Variants in DPH6 observed in about 807,000 individuals in gnomAD.
DPH6 encodes the protein diphthamine biosynthesis 6.
In DPH6, 33 loss-of-function variants were observed where a neutral mutation model predicts 38.2. That is an observed-to-expected ratio of 0.86 (90% CI 0.65 to 1.15). DPH6 has a LOEUF of 1.15. Ranked by LOEUF, DPH6 falls within the 50% of genes most tolerant of loss-of-function variation. DPH6 has a pLI of 0.00. For synonymous variants in DPH6, 108 were observed against 103.0 expected (o/e 1.05, Z -0.30); for missense variants, 325 against 320.0 (o/e 1.02, Z -0.12).
At chr15:35,315,597 A>T (rs2052182099) in intron 3 of DPH6, among the ~76,000 whole-genome samples, 1 of 152,226 alleles carries the variant, frequency 6.6e-6, no homozygotes, top group Non-Finnish European at 1.5e-5. Context: ...GTGGGAATGT[A>T]AATTAGCAGA....
chr15:35,312,371 A>G (rs1331976512), intron 3 of DPH6, among the ~76,000 whole-genome samples: 1 of 152,204 alleles, frequency 6.6e-6, no homozygotes, highest in East Asian at 1.9e-4. Flanking sequence ...GCTAGATTTT[A>G]GAAACCTCCA....
At chr15:35,215,655 A>G (rs1343517594), downstream of DPH6, among the ~76,000 whole-genome samples, 1 of 152,194 alleles carries the variant, frequency 6.6e-6, no homozygotes, top group African/African-American at 2.4e-5. Flanking sequence ...TACAGGTGCT[A>G]GCCACTACAC....
intron 3 of DPH6, among the ~76,000 whole-genome samples, chr15:35,349,157 C>A (rs2140888519): frequency 6.6e-6 from 1 of 151,924 alleles, no homozygotes; most frequent in African/African-American, 2.4e-5. Flanking sequence ...ATTTCTTTTT[C>A]TTGCCTAATT....
the DPH6 span, among the ~76,000 whole-genome samples, chr15:35,190,865 A>G: frequency 6.6e-6 from 1 of 152,190 alleles, no homozygotes; most frequent in African/African-American, 2.4e-5. Flanking sequence ...GATCTCTTTC[A>G]CTGTAATTAT....
intron 3 of DPH6, among the ~76,000 whole-genome samples, chr15:35,245,232 C>CTTTTTTTTTTTTTTTTTTTTTTTT (rs71123123): frequency 1.2e-5 from 1 of 81,384 alleles, no homozygotes; most frequent in African/African-American, 4.5e-5. Flanking sequence ...ATTGTTCTTG[C>CTTTTTTTTTTTTTTTTTTTTTTTT]TTTTTTTTTT....
At chr15:35,498,739 A>C (rs903190479) in intron 3 of DPH6, among the ~76,000 whole-genome samples, 2 of 152,102 alleles carry the variant, frequency 1.3e-5, no homozygotes, top group Non-Finnish European at 2.9e-5. Context: ...AATGCAGCCC[A>C]AGTTATAAGT....
intron 3 of DPH6, among the ~76,000 whole-genome samples, chr15:35,347,449 GCCT>G (rs959615051): frequency 8.7e-5 from 13 of 149,910 alleles, no homozygotes; most frequent in South Asian, 2.1e-4. Context: ...ACCACACCCA[GCCT>G]CCTCCTTTTT....
At chr15:35,145,626 A>C in the DPH6 span, among the ~76,000 whole-genome samples, 1 of 152,208 alleles carries the variant, frequency 6.6e-6, no homozygotes, top group South Asian at 2.1e-4. Flanking sequence ...CAGTTTGTCA[A>C]AATTCTTCTG....
In DPH6 at chr15:35,299,530, G is replaced by T. The variant is rs564946217; in HGVS notation, n.200+73991C>A. The T allele has an allele frequency of 4.8e-4, 290 of 608,970 alleles. 2 individuals carry two copies. Among genetic ancestry groups the T allele is most frequent in the Admixed American group, 2.6e-4 (10 of 38,922 alleles). The allele number at this position is 608,970 out of a possible 1,614,324, so 37.7% of individuals were successfully genotyped here. On this transcript the variant is annotated intron_variant and non_coding_transcript_variant, in intron 3 of 3. Transcript: ENST00000560386. ...CGGAGCCGGGGAGGCAGGAGCCAAC[G>T]GCGGCACCACCCTCCGCTGAGTCCG...
the DPH6 span, among the ~76,000 whole-genome samples, chr15:35,197,716 G>C: frequency 6.6e-6 from 1 of 152,154 alleles, no homozygotes; most frequent in African/African-American, 2.4e-5. Flanking sequence ...CATAAAAGCA[G>C]TTTTCCTGAA....
At chr15:35,449,095 T>C (rs568499501) in intron 5 of DPH6, among the ~76,000 whole-genome samples, 13 of 151,876 alleles carry the variant, frequency 8.6e-5, no homozygotes, top group African/African-American at 2.9e-4. Flanking sequence ...GCAACCTATA[T>C]TGCATCATTT....
At chr15:35,302,300 A>G (rs1250568676) in intron 3 of DPH6, among the ~76,000 whole-genome samples, 1 of 152,180 alleles carries the variant, frequency 6.6e-6, no homozygotes, top group African/African-American at 2.4e-5. Flanking sequence ...TCTCTTTTCT[A>G]CTATCAAAAA....
At chr15:35,327,778 T>A (rs1280323729), downstream of DPH6, among the ~76,000 whole-genome samples, 1 of 152,146 alleles carries the variant, frequency 6.6e-6, no homozygotes, top group Non-Finnish European at 1.5e-5. Flanking sequence ...GACAGTTGGG[T>A]TGATTCAGAG....
At chr15:35,404,342 T>G (rs1050273838) in intron 6 of DPH6, among the ~76,000 whole-genome samples, 1 of 152,140 alleles carries the variant, frequency 6.6e-6, no homozygotes, top group Non-Finnish European at 1.5e-5. Flanking sequence ...TACATTCCCA[T>G]AGACAGCATA....
chr15:35,175,040 C>T, the DPH6 span, among the ~76,000 whole-genome samples: 150,061 of 152,300 alleles, frequency 0.99, 73,978 homozygotes, highest in East Asian at 1. Context: ...GCACTGTTGG[C>T]TGTTTCGTTT....
intron 3 of DPH6, among the ~76,000 whole-genome samples, chr15:35,236,936 C>T (rs2051556564): frequency 6.6e-6 from 1 of 151,994 alleles, no homozygotes; most frequent in African/African-American, 2.4e-5. Context: ...TGTTCCTAGT[C>T]GATAGATATT....
intron 3 of DPH6, among the ~76,000 whole-genome samples, chr15:35,346,041 G>A (rs72703137): frequency 1.3e-5 from 2 of 151,782 alleles, no homozygotes; most frequent in Non-Finnish European, 2.9e-5. Context: ...TAAGTGAAAC[G>A]AAAGTGCATC....
chr15:35,335,852 G>A (rs1015418601), intron 3 of DPH6, among the ~76,000 whole-genome samples: 4 of 152,082 alleles, frequency 2.6e-5, no homozygotes, highest in Non-Finnish European at 4.4e-5. Flanking sequence ...GCTTATGATT[G>A]TCTTGGCTCT....
At chr15:35,534,390 A>G (rs1466886198) in intron 3 of DPH6, among the ~76,000 whole-genome samples, 1 of 151,446 alleles carries the variant, frequency 6.6e-6, no homozygotes, top group Non-Finnish European at 1.5e-5. Flanking sequence ...AAAAAAAAAA[A>G]AAAAAGAAAA....
Sources: allele counts gnomAD v4.1 joint callset (sites outside exome capture counted in the v4.1 genomes callset), GRCh38; gene constraint gnomAD v4.1.1; transcripts MANE v1.5; gene names NCBI Gene and HGNC (gene_info 2026-07-23, HGNC 2026-07-21).